FANCC: variants seen among roughly 807,000 people sequenced by gnomAD.
FANCC encodes the protein Fanconi anemia group C protein.
In FANCC, 55 loss-of-function variants were observed where a neutral mutation model predicts 71.3. The ratio of observed to expected loss-of-function variants is 0.77; its 90% CI spans 0.62 to 0.97. FANCC has a LOEUF of 0.97. FANCC is among the 50% of genes least tolerant of loss of function. The probability of loss-of-function intolerance (pLI) is 0.00; values close to 1 mark genes in which losing one functional copy is unlikely to be tolerated. For missense variants in FANCC, 678 were observed against 670.9 expected, an observed-to-expected ratio of 1.01 and a Z score of -0.12; for synonymous variants, 275 against 244.9, an observed-to-expected ratio of 1.12 and a Z score of -1.15.
chr9:95,289,351 C>G (rs1050608102), intron 1 of FANCC, among the ~76,000 whole-genome samples: 2 of 152,068 alleles, frequency 1.3e-5, no homozygotes, highest in Non-Finnish European at 2.9e-5. Flanking sequence ...TACACAATCA[C>G]GGAGTATTTG....
At chr9:95,310,349 C>A (rs577268799) in intron 1 of FANCC, among the ~76,000 whole-genome samples, 1 of 149,826 alleles carries the variant, frequency 6.7e-6, no homozygotes, top group East Asian at 2.0e-4. Context: ...GTTGACAGGG[C>A]AAGACCCTGT....
At chr9:95,301,048 C>G (rs2136360587) in intron 1 of FANCC, among the ~76,000 whole-genome samples, 1 of 151,902 alleles carries the variant, frequency 6.6e-6, no homozygotes, top group Non-Finnish European at 1.5e-5. Flanking sequence ...GTGGTGAGTG[C>G]CACCAAATTT....
intron 4 of FANCC, among the ~76,000 whole-genome samples, chr9:95,207,017 G>T (rs1299216019): frequency 3.3e-5 from 5 of 151,998 alleles, no homozygotes; most frequent in Admixed American, 2.0e-4. Flanking sequence ...CCAGCCCCCA[G>T]CCCCACACTG....
chr9:95,275,357 G>T (rs2136235992), intron 1 of FANCC, among the ~76,000 whole-genome samples: 1 of 152,146 alleles, frequency 6.6e-6, no homozygotes, highest in Admixed American at 6.5e-5. Flanking sequence ...AGGGAAGAGT[G>T]AATAGGTAGA....
At chr9:95,146,850 G>A (rs966636142) in intron 7 of FANCC, among the ~76,000 whole-genome samples, 43 of 151,936 alleles carry the variant, frequency 2.8e-4, no homozygotes, top group African/African-American at 9.7e-4. Flanking sequence ...TGCGTTAAAA[G>A]AAAAAATCAT....
Position 95,101,398 on chromosome 9 carries a change from AC to A in FANCC, c.*308del. On this transcript the variant is annotated 3_prime_UTR_variant, in exon 15 of 15. Coordinates refer to ENST00000289081, the MANE Select transcript of FANCC (RefSeq NM_000136.3). ...AGCTTGACTTGGGTAAAAACTAGAAACCTGTTCTCCCACCCAGGCCTTTGCT... is the reference window on the plus strand; with the variant it reads ...AGCTTGACTTGGGTAAAAACTAGAAACTGTTCTCCCACCCAGGCCTTTGCT... 6.7e-6 allele frequency: 3 copies of A among 446,274 alleles called. No individual in the cohort carries two copies. The highest frequency in any genetic ancestry group is 1.2e-5 in the Non-Finnish European group (3 of 244,014). The allele number at this position is 446,274 out of a possible 1,614,324, so 27.6% of individuals were successfully genotyped here.
chr9:95,135,115 G>A (rs1445280767), intron 8 of FANCC, among the ~76,000 whole-genome samples: 1 of 152,188 alleles, frequency 6.6e-6, no homozygotes, highest in Non-Finnish European at 1.5e-5. Context: ...GTGAACATGT[G>A]ATATACGGCA....
chr9:95,125,068 A>G lies in FANCC; in HGVS notation c.996+18T>C. ...TTATTCTCTGGGATGAATGAGTAAT[A>G]TATGTGATATAACAAACCTGCTTGC... On this transcript the variant is annotated intron_variant, in intron 10 of 14. Transcript: ENST00000289081. 1 of 1,597,472 alleles carries G rather than the reference A, an allele frequency of 6.3e-7. No homozygotes were observed. The highest frequency in any genetic ancestry group is 1.1e-5 in the South Asian group (1 of 90,714).
At chr9:95,127,745 C>A (rs1826224626) in intron 8 of FANCC, among the ~76,000 whole-genome samples, 1 of 152,234 alleles carries the variant, frequency 6.6e-6, no homozygotes, top group Admixed American at 6.5e-5. Context: ...CTGCTCCGGC[C>A]GTGCCCTGGA....
At chr9:95,155,891 G>GTT (rs1564703706) in intron 6 of FANCC, among the ~76,000 whole-genome samples, 6 of 34,714 alleles carry the variant, frequency 1.7e-4, no homozygotes, top group African/African-American at 6.3e-4. Flanking sequence ...GCTTTTTTTG[G>GTT]GTTTTTTTTT....
At chr9:95,271,074 G>A (rs746074377) in intron 1 of FANCC, among the ~76,000 whole-genome samples, 10 of 152,194 alleles carry the variant, frequency 6.6e-5, no homozygotes, top group Non-Finnish European at 1.3e-4. Context: ...GTGCCCCAGA[G>A]GGGACCCTTG....
chr9:95,145,226 A>G (rs1829366508), intron 7 of FANCC: 1 of 152,252 alleles, frequency 6.6e-6, no homozygotes. Context: ...CAAACGCAAC[A>G]AACAACACAA....
intron 13 of FANCC, chr9:95,109,510 C>A (rs781211505): frequency 6.6e-6 from 1 of 151,610 alleles, no homozygotes; most frequent in Admixed American, 6.6e-5. Context: ...GGTATCTAAA[C>A]GACTTTTTTT....
At chr9:95,112,348 A>G (rs76029993) in intron 12 of FANCC, among the ~76,000 whole-genome samples, 193 of 152,322 alleles carry the variant, frequency 1.3e-3, no homozygotes, top group African/African-American at 4.5e-3. Flanking sequence ...TGGCTGGAAC[A>G]GGAGTGTTCC....
rs571926115 is a variant in FANCC, at chr9:95,148,662, C to T, written c.686+1261G>A. Reference sequence around the variant, plus strand: ...AATATGTCAATGTTTGGAAGATATACATAACTCAATGAATGAAGATTTTCC... The same window carrying T: ...AATATGTCAATGTTTGGAAGATATATATAACTCAATGAATGAAGATTTTCC... On this transcript the variant is annotated intron_variant, in intron 7 of 14. Transcript: ENST00000289081. 2.0e-5 allele frequency among the ~76,000 whole-genome samples: 3 copies of T among 152,260 alleles called. No individual in the cohort carries two copies. The East Asian group carries it at 5.8e-4, about 29-fold the overall frequency.
At chr9:95,181,159 TTGTGTGTGTG>T (rs10692344) in intron 4 of FANCC, among the ~76,000 whole-genome samples, 63,174 of 148,270 alleles carry the variant, frequency 0.43, 13,426 homozygotes, top group East Asian at 0.56. Context: ...CACGTACACA[TTGTGTGTGTG>T]TGTGTGTGTG....
At chr9:95,104,756 T>A (rs549084568) in intron 14 of FANCC, among the ~76,000 whole-genome samples, 2 of 152,266 alleles carry the variant, frequency 1.3e-5, no homozygotes, top group Non-Finnish European at 2.9e-5. Context: ...CGCTGACCCC[T>A]GCTGCTAAGC....
chr9:95,130,814 G>A (rs1190477938), intron 8 of FANCC, among the ~76,000 whole-genome samples: 1 of 152,162 alleles, frequency 6.6e-6, no homozygotes, highest in Non-Finnish European at 1.5e-5. Context: ...TTTCACCAGT[G>A]AACTCCTCTA....
At chr9:95,128,664 G>C (rs570510570) in intron 8 of FANCC, among the ~76,000 whole-genome samples, 1 of 152,334 alleles carries the variant, frequency 6.6e-6, no homozygotes, top group East Asian at 1.9e-4. Context: ...TCTGTGCGCT[G>C]TTTTCTAGCA....
Sources: gnomAD v4.1 joint callset for allele counts (sites outside exome capture counted in the v4.1 genomes callset) on GRCh38, gnomAD v4.1.1 for gene constraint, MANE v1.5 for transcripts, NCBI Gene and HGNC (gene_info 2026-07-23, HGNC 2026-07-21) for gene names.